EPG5: variants seen among roughly 807,000 people sequenced by gnomAD.
The protein encoded by EPG5 is ectopic P granules protein 5 homolog.
In EPG5, 159 loss-of-function variants were observed where a neutral mutation model predicts 302.7. That is an observed-to-expected ratio of 0.53 (90% CI 0.46 to 0.60). The LOEUF (loss-of-function observed/expected upper bound fraction) is 0.60. EPG5 is among the 20% of genes least tolerant of loss of function. EPG5 has a pLI of 0.00. For missense variants in EPG5, 2,896 were observed against 3,092.4 expected (o/e 0.94, Z 1.51); for synonymous variants, 1,158 against 1,136.8 (o/e 1.02, Z -0.37).
At chr18:45,966,457 CATATGTATATATGTGTAT>C (rs2051266236) in intron 1 of EPG5, among the ~76,000 whole-genome samples, 5 of 151,244 alleles carry the variant, frequency 3.3e-5, no homozygotes, top group East Asian at 3.9e-4. Context: ...TATATGTGTA[CATATGTATATATGTGTAT>C]ATATGTACTA....
At chr18:45,950,756 T>G (rs2050889621) in intron 4 of EPG5, among the ~76,000 whole-genome samples, 1 of 152,258 alleles carries the variant, frequency 6.6e-6, no homozygotes, top group African/African-American at 2.4e-5. Context: ...TTTGGAATTT[T>G]GGATCATTTC....
the EPG5 span, among the ~76,000 whole-genome samples, chr18:45,831,058 G>T: frequency 6.6e-6 from 1 of 152,150 alleles, no homozygotes; most frequent in African/African-American, 2.4e-5. Flanking sequence ...ATGGCAACTT[G>T]CCCAATGTCC....
At chr18:45,887,297 T>C (rs2049239386) in intron 29 of EPG5, among the ~76,000 whole-genome samples, 1 of 152,210 alleles carries the variant, frequency 6.6e-6, no homozygotes, top group African/African-American at 2.4e-5. Flanking sequence ...CACTGAGTGT[T>C]GTCAGAAGCC....
intron 39 of EPG5, among the ~76,000 whole-genome samples, chr18:45,863,723 T>C (rs1206215709): frequency 1.3e-5 from 2 of 152,246 alleles, no homozygotes; most frequent in Non-Finnish European, 2.9e-5. Flanking sequence ...TATCCCACTG[T>C]CTTACAGATT....
intron 2 of EPG5, chr18:45,953,247 G>A (rs184348138): frequency 1.0e-6 from 1 of 966,080 alleles, no homozygotes; most frequent in Non-Finnish European, 1.2e-6. Context: ...CATGATTGAT[G>A]ATCTTACCTT....
At chr18:45,863,141 G>A (rs2145233279) in intron 39 of EPG5, among the ~76,000 whole-genome samples, 1 of 152,092 alleles carries the variant, frequency 6.6e-6, no homozygotes, top group African/African-American at 2.4e-5. Context: ...TTTAATATTT[G>A]CCTGACATAA....
chr18:45,881,927 T>C (rs896358427), intron 31 of EPG5, among the ~76,000 whole-genome samples: 3 of 152,222 alleles, frequency 2.0e-5, no homozygotes, highest in Non-Finnish European at 2.9e-5. Context: ...ACCTCCTTGC[T>C]TTGCCAGATC....
At position 45,947,367 on chromosome 18, in the gene EPG5, C is replaced by T. The variant is rs143315627; in HGVS notation, c.1572-599G>A. ...GGCAGAGGTTGCAGTGAGCTGAGAT[C>T]GTTCCACTGCACTCCAGCCTAGCGA... On this transcript the variant is annotated intron_variant, in intron 6 of 43. Transcript: ENST00000282041. Among the ~76,000 whole-genome samples the T allele has an allele frequency of 5.7e-3, 865 of 152,028 alleles. 5 individuals are homozygous for T. Among genetic ancestry groups the T allele is most frequent in the Non-Finnish European group, 7.8e-3 (528 of 67,996 alleles).
chr18:45,929,051 C>T (rs775762322), intron 12 of EPG5, 42 bp from the exon 13 acceptor site: 4 of 1,566,810 alleles, frequency 2.6e-6, no homozygotes, highest in Non-Finnish European at 8.7e-7. Context: ...CTTTTAATAT[C>T]AATTAGCAGT....
the EPG5 span, chr18:45,839,189 A>C: frequency 1.5e-6 from 2 of 1,323,152 alleles, no homozygotes; most frequent in Non-Finnish European, 1.9e-6. Context: ...TGGCACTGCC[A>C]GAATGTCGGT....
At chr18:45,895,305 G>A (rs1025405145) in intron 27 of EPG5, among the ~76,000 whole-genome samples, 2 of 152,160 alleles carry the variant, frequency 1.3e-5, no homozygotes, top group Admixed American at 6.5e-5. Flanking sequence ...GGTAGAATGA[G>A]GCAGGTGGAA....
intron 26 of EPG5, 125 bp from the exon 27 acceptor site, chr18:45,899,691 G>A (rs956042188): frequency 1.0e-6 from 1 of 952,892 alleles, no homozygotes. Context: ...CATAGTAACA[G>A]AGGACCAAAG....
rs753386481 is a variant in EPG5, at chr18:45,870,625, C to T, written c.6167G>A (p.Arg2056Gln). The T allele has an allele frequency of 2.5e-5, 41 of 1,613,858 alleles. No homozygotes were observed. The South Asian group carries it at 3.2e-4, about 13-fold the overall frequency. ...FILYAFHSTY[R>Q]KLPWKDLHPD... ...GTGCAGGTCCTTCCATGGCAGTTTC[C>T]GGTACGTGCTATGGAAAGCGTACAG... Residue 2056 changes from arginine to glutamine, a missense_variant, in exon 36 of 44, where the codon CGG (arginine) becomes CAG (glutamine). Arg to Gln is a conservative substitution (Grantham distance 43). Transcript: ENST00000282041.
the EPG5 span, among the ~76,000 whole-genome samples, chr18:45,833,409 T>C: frequency 6.6e-6 from 1 of 152,302 alleles, no homozygotes; most frequent in East Asian, 1.9e-4. Flanking sequence ...CTCTGCCTCC[T>C]GGGCTCAAGC....
At chr18:45,847,129 T>G (rs1213333315), downstream of EPG5, among the ~76,000 whole-genome samples, 2 of 152,208 alleles carry the variant, frequency 1.3e-5, no homozygotes, top group Middle Eastern at 3.2e-3. Flanking sequence ...AATCCCAAAT[T>G]GGTTTAATTC....
chr18:45,964,843 C>T (rs1379222097), intron 1 of EPG5, among the ~76,000 whole-genome samples: 1 of 152,134 alleles, frequency 6.6e-6, no homozygotes, highest in East Asian at 1.9e-4. Flanking sequence ...ATCCCAGCTA[C>T]TCGGGAGGCT....
At chr18:45,834,990 T>C in the EPG5 span, among the ~76,000 whole-genome samples, 1 of 152,146 alleles carries the variant, frequency 6.6e-6, no homozygotes, top group South Asian at 2.1e-4. Flanking sequence ...GCAAGGTTCT[T>C]TGATGATTAA....
intron 23 of EPG5, among the ~76,000 whole-genome samples, chr18:45,908,584 C>A (rs563088678): frequency 1.3e-4 from 20 of 152,240 alleles, no homozygotes; most frequent in Middle Eastern, 6.8e-3. Context: ...CTCAGAGAAT[C>A]GCAAATAAAT....
chr18:45,933,237 G>A (rs2050437614), intron 11 of EPG5, among the ~76,000 whole-genome samples: 1 of 152,110 alleles, frequency 6.6e-6, no homozygotes, highest in Admixed American at 6.6e-5. Context: ...CAGGACAGTG[G>A]AGAAGCACTT....
Sources: gnomAD v4.1 joint callset for allele counts (sites outside exome capture counted in the v4.1 genomes callset) on GRCh38, gnomAD v4.1.1 for gene constraint, MANE v1.5 for transcripts, NCBI Gene and HGNC (gene_info 2026-07-23, HGNC 2026-07-21) for gene names.